Variants in UGT2A2 observed in about 807,000 individuals in gnomAD.
UGT2A2 encodes UDP-glucuronosyltransferase 2A2.
UGT2A2 carries 60 observed loss-of-function variants against 50.7 expected under a neutral mutation model. The ratio of observed to expected loss-of-function variants is 1.18; its 90% CI spans 0.96 to 1.47. The LOEUF (loss-of-function observed/expected upper bound fraction) is 1.47, where lower values mean the gene tolerates loss of function less well. Among genes scored for constraint, UGT2A2 ranks in the 40% most tolerant of loss-of-function variants. The probability of loss-of-function intolerance (pLI) is 0.00; values close to 1 mark genes in which losing one functional copy is unlikely to be tolerated. For missense variants in UGT2A2, 762 were observed against 634.0 expected (o/e 1.20, Z -2.17); for synonymous variants, 242 against 214.6 (o/e 1.13, Z -1.11).
chr4:69,619,277 T>A (rs1311737465), intron 1 of UGT2A2, among the ~76,000 whole-genome samples: 1 of 151,804 alleles, frequency 6.6e-6, no homozygotes, highest in Non-Finnish European at 1.5e-5. Context: ...GGTGCATGCG[T>A]GTAGTCCAGC....
chr4:69,610,984 G>C (rs558715191), intron 1 of UGT2A2, among the ~76,000 whole-genome samples: 1 of 152,140 alleles, frequency 6.6e-6, no homozygotes, highest in East Asian at 1.9e-4. Context: ...ATAATAGTTG[G>C]AGTGGAAGTC....
At chr4:69,611,675 T>C (rs1348554394) in intron 1 of UGT2A2, among the ~76,000 whole-genome samples, 2 of 152,230 alleles carry the variant, frequency 1.3e-5, no homozygotes, top group Admixed American at 6.5e-5. Context: ...CTGGGTTAAA[T>C]ATAAAATTGT....
chr4:69,616,833 C>CTTTTTTTTTTTTTT (rs4148315), intron 1 of UGT2A2, among the ~76,000 whole-genome samples: 12 of 127,232 alleles, frequency 9.4e-5, no homozygotes, highest in South Asian at 2.5e-4. Flanking sequence ...ATTTTCTTTT[C>CTTTTTTTTTTTTTT]TTTTTTTTTT....
At chr4:69,634,964 C>G (rs1721592740) in intron 1 of UGT2A2, among the ~76,000 whole-genome samples, 1 of 152,056 alleles carries the variant, frequency 6.6e-6, no homozygotes, top group South Asian at 2.1e-4. Context: ...AACATTAGTT[C>G]TAAGAATCCA....
chr4:69,608,386 C>T (rs1315897817), intron 1 of UGT2A2, among the ~76,000 whole-genome samples: 1 of 135,480 alleles, frequency 7.4e-6, no homozygotes, highest in African/African-American at 2.8e-5. Context: ...CATATGGACA[C>T]AGGAAGGGGA....
intron 1 of UGT2A2, among the ~76,000 whole-genome samples, chr4:69,622,302 G>T (rs1053464528): frequency 3.3e-5 from 5 of 151,398 alleles, no homozygotes; most frequent in Non-Finnish European, 7.4e-5. Context: ...CCACAAAGAT[G>T]GGAAATTGGC....
intron 4 of UGT2A2, 91 bp from the exon 5 acceptor site, chr4:69,594,787 A>G: frequency 7.0e-7 from 1 of 1,425,698 alleles, no homozygotes; most frequent in Non-Finnish European, 9.5e-7. Context: ...CTGTAATGTA[A>G]CTCTCTAAAG....
At chr4:69,624,239 C>T (rs1468867546) in intron 1 of UGT2A2, among the ~76,000 whole-genome samples, 1 of 151,382 alleles carries the variant, frequency 6.6e-6, no homozygotes, top group East Asian at 1.9e-4. Flanking sequence ...GACCTTTATT[C>T]TCATAATAAT....
intron 1 of UGT2A2, among the ~76,000 whole-genome samples, chr4:69,636,068 T>C (rs955235476): frequency 7.2e-5 from 11 of 152,286 alleles, no homozygotes; most frequent in Middle Eastern, 3.4e-3. Flanking sequence ...CTCACTGATA[T>C]AGAAAACAAG....
chr4:69,621,178 C>T (rs926310801), intron 1 of UGT2A2, among the ~76,000 whole-genome samples: 7 of 151,944 alleles, frequency 4.6e-5, no homozygotes, highest in African/African-American at 1.7e-4. Context: ...AGAGCTTCTG[C>T]ACAGCAAAAT....
intron 2 of UGT2A2, 46 bp from the exon 3 acceptor site, chr4:69,596,427 G>A (rs1718937579): frequency 6.3e-6 from 9 of 1,426,578 alleles, no homozygotes; most frequent in Non-Finnish European, 8.3e-6. Flanking sequence ...AGCATCATAA[G>A]AAAAAATAAG....
intron 1 of UGT2A2, among the ~76,000 whole-genome samples, chr4:69,629,654 T>A (rs1273097288): frequency 1.3e-5 from 2 of 152,040 alleles, no homozygotes; most frequent in African/African-American, 4.8e-5. Flanking sequence ...TCACCACATA[T>A]CATTTCTAGG....
At chr4:69,592,864 A>G (rs567571562) in intron 5 of UGT2A2, among the ~76,000 whole-genome samples, 1 of 152,220 alleles carries the variant, frequency 6.6e-6, no homozygotes, top group Non-Finnish European at 1.5e-5. Context: ...TTAGATTAAC[A>G]TTGTTGTAAA....
Position 69,594,571 on chromosome 4 carries a change from T to G in UGT2A2, c.1237A>C (p.Met413Leu), listed in dbSNP as rs200977970. 1.2e-6 allele frequency: 2 copies of G among 1,614,186 alleles called. No individual in the cohort carries two copies. Among genetic ancestry groups the G allele is most frequent in the East Asian group, 2.2e-5 (1 of 44,866 alleles). ...TCCACAGCTGCTCCTTTGGCCTTCA[T>G]GTGAGCAATGTTATCAGGCTGATCA... ...FADQPDNIAH[M>L]KAKGAAVEVN... Residue 413 changes from methionine to leucine, a missense_variant, in exon 5 of 6, where the codon ATG becomes CTG. By Grantham distance (15) the Met-to-Leu change is conservative (BLOSUM62 2). Coordinates refer to ENST00000604629, the MANE Select transcript of UGT2A2 (RefSeq NM_001105677.2).
chr4:69,625,386 T>G (rs1409982921), intron 1 of UGT2A2, among the ~76,000 whole-genome samples: 1 of 151,220 alleles, frequency 6.6e-6, no homozygotes, highest in Non-Finnish European at 1.5e-5. Context: ...CTGCTGATGC[T>G]CCTTCCTTTA....
intron 1 of UGT2A2, among the ~76,000 whole-genome samples, chr4:69,604,094 C>A (rs1719460695): frequency 7.4e-6 from 1 of 135,664 alleles, no homozygotes. Flanking sequence ...TCGAGAAGAG[C>A]AACTCCAAGA....
At chr4:69,609,083 A>C (rs1719866537) in intron 1 of UGT2A2, among the ~76,000 whole-genome samples, 1 of 152,092 alleles carries the variant, frequency 6.6e-6, no homozygotes, top group African/African-American at 2.4e-5. Context: ...AGATAATGAG[A>C]AAACCATCAT....
At position 69,609,382 on chromosome 4, in the gene UGT2A2, T is replaced by C. The variant is rs892251077; in HGVS notation, c.743-9988A>G. On this transcript the variant is annotated intron_variant, in intron 1 of 5. Coordinates refer to ENST00000604629, the MANE Select transcript of UGT2A2 (RefSeq NM_001105677.2). The stretch of plus-strand genomic sequence containing the variant: ...TTTAATTTTTTGTTTGTTTGTGTTG[T>C]AGAGATGATGTCTCTCTCTGTTTCC... 4.6e-5 allele frequency among the ~76,000 whole-genome samples: 7 copies of C among 152,248 alleles called. No homozygotes were observed. In the East Asian group the frequency reaches 1.4e-3, roughly 29 times the overall value.
At chr4:69,593,575 A>G (rs1242970908) in intron 5 of UGT2A2, among the ~76,000 whole-genome samples, 2 of 151,576 alleles carry the variant, frequency 1.3e-5, no homozygotes, top group Non-Finnish European at 1.5e-5. Context: ...TATATAATAT[A>G]CTAAGCTATG....
Sources: gnomAD v4.1 joint callset for allele counts (sites outside exome capture counted in the v4.1 genomes callset) on GRCh38, gnomAD v4.1.1 for gene constraint, MANE v1.5 for transcripts, NCBI Gene and HGNC (gene_info 2026-07-23, HGNC 2026-07-21) for gene names.